Variants in NEMF observed in about 807,000 individuals in gnomAD.
NEMF encodes the protein ribosome quality control complex subunit NEMF.
Under a neutral mutation model 162.2 loss-of-function variants are expected in NEMF, and 89 were observed. The observed-to-expected ratio is 0.55, with a 90% CI of 0.46 to 0.65. NEMF has a LOEUF of 0.65. Among genes scored for constraint, NEMF ranks in the 30% least tolerant of loss-of-function variants. The pLI is 0.00. For synonymous variants in NEMF, 421 were observed against 404.5 expected (o/e 1.04, Z -0.49); for missense variants, 1,133 against 1,261.9 (o/e 0.90, Z 1.55).
At chr14:49,836,573 G>A (rs1892915292) in intron 6 of NEMF, among the ~76,000 whole-genome samples, 1 of 152,052 alleles carries the variant, frequency 6.6e-6, no homozygotes, top group Non-Finnish European at 1.5e-5. Flanking sequence ...CTGAACCTGG[G>A]AGGTGGAAGC....
At chr14:49,784,902 CCT>C in intron 32 of NEMF, 21 bp downstream of exon 32, 6 of 1,596,890 alleles carry the variant, frequency 3.8e-6, no homozygotes, top group Non-Finnish European at 4.3e-6. Flanking sequence ...TCTCCACATT[CCT>C]TTTCTGAAGG....
intron 3 of NEMF, among the ~76,000 whole-genome samples, chr14:49,847,706 C>CTTTTT (rs79188374): frequency 2.9e-5 from 4 of 138,020 alleles, no homozygotes; most frequent in Admixed American, 1.4e-4. Flanking sequence ...CCTACCAATT[C>CTTTTT]TTTTTTTTTT....
chr14:49,799,539 A>T lies in NEMF; in HGVS notation c.2416-15T>A, dbSNP rs2139853556. ...TTACTGTCACTCTATTAAAACAAAA[A>T]AACAGGCAAATGCAAATATCACTAT... On this transcript the variant is annotated splice_polypyrimidine_tract_variant and intron_variant, in intron 24 of 32. Coordinates refer to ENST00000298310, the MANE Select transcript of NEMF (RefSeq NM_004713.6). 1 of 1,607,308 alleles carries T rather than the reference A, an allele frequency of 6.2e-7. No homozygotes were observed. Among genetic ancestry groups the T allele is most frequent in the East Asian group, 2.2e-5 (1 of 44,812 alleles).
At chr14:49,845,067 C>A (rs1893427221) in intron 4 of NEMF, among the ~76,000 whole-genome samples, 1 of 119,820 alleles carries the variant, frequency 8.3e-6, no homozygotes, top group Admixed American at 9.3e-5. Flanking sequence ...CCACACCTGG[C>A]CCAGATTAAG....
rs572895833 is a variant in NEMF at position 49,848,745 on chromosome 14, G to A, written c.232-2480C>T. On this transcript the variant is annotated intron_variant, in intron 3 of 32. Transcript: ENST00000298310. Reference sequence around the variant, plus strand: ...AGCTACTTGGGAGGCTGAGACACGAGAATCACTTGAACCCAGGAGACTGAA... The same window carrying A: ...AGCTACTTGGGAGGCTGAGACACGAAAATCACTTGAACCCAGGAGACTGAA... 1.5e-4 allele frequency among the ~76,000 whole-genome samples: 21 copies of A among 141,588 alleles called. No individual in the cohort carries two copies. The South Asian group carries it at 3.6e-3, about 24-fold the overall frequency. The allele number at this position is 141,588 out of a possible 152,430, so 92.9% of individuals were successfully genotyped here.
chr14:49,827,097 C>A (rs190782787), intron 15 of NEMF, among the ~76,000 whole-genome samples: 1 of 152,100 alleles, frequency 6.6e-6, no homozygotes, highest in African/African-American at 2.4e-5. Context: ...GGAGATCTCC[C>A]GTCCTTCTTG....
chr14:49,819,713 C>T (rs1891900040), intron 16 of NEMF, among the ~76,000 whole-genome samples: 1 of 152,142 alleles, frequency 6.6e-6, no homozygotes, highest in African/African-American at 2.4e-5. Flanking sequence ...CCGCACCTAG[C>T]CTATCCCTGT....
intron 29 of NEMF, chr14:49,785,945 T>C (rs76370521): frequency 0.012 from 1,812 of 150,998 alleles, 32 homozygotes; most frequent in Admixed American, 0.04. Context: ...TGCAGAAACC[T>C]GCTGTGGATT....
At chr14:49,842,988 G>C (rs950148344) in intron 4 of NEMF, among the ~76,000 whole-genome samples, 2 of 151,888 alleles carry the variant, frequency 1.3e-5, no homozygotes, top group African/African-American at 2.4e-5. Context: ...CCTGGCGACA[G>C]GGTGAGACTT....
intron 4 of NEMF, among the ~76,000 whole-genome samples, chr14:49,844,152 G>T (rs991055856): frequency 1.5e-4 from 23 of 151,722 alleles, no homozygotes; most frequent in African/African-American, 5.6e-4. Flanking sequence ...CCAGCCTTTG[G>T]CACCAGGGAC....
intron 22 of NEMF, chr14:49,801,024 TTATTA>T (rs774139723): frequency 4.2e-5 from 11 of 259,434 alleles, no homozygotes; most frequent in Non-Finnish European, 5.1e-5. Flanking sequence ...TTTGCTGCTT[TTATTA>T]TAATTTGCAC....
intron 3 of NEMF, among the ~76,000 whole-genome samples, chr14:49,847,706 CTTTTTTTTTTTTTTTTTT>C (rs79188374): frequency 7.2e-6 from 1 of 138,018 alleles, no homozygotes; most frequent in Non-Finnish European, 1.6e-5. Context: ...CCTACCAATT[CTTTTTTTTTTTTTTTTTT>C]TTTTTTTTTT....
chr14:49,832,806 C>G (rs1892709744), intron 8 of NEMF, among the ~76,000 whole-genome samples: 1 of 152,150 alleles, frequency 6.6e-6, no homozygotes, highest in Admixed American at 6.5e-5. Flanking sequence ...TAAATCACAA[C>G]ATTTTTGAAA....
Position 49,783,167 on chromosome 14 carries a change from T to A in NEMF, c.*1469A>T. 2.7e-6 allele frequency: 1 copy of A among 370,058 alleles called. No individual in the cohort carries two copies. The highest frequency in any genetic ancestry group is 4.8e-6 in the Non-Finnish European group (1 of 209,758). 22.9% of individuals were successfully genotyped at this position (370,058 alleles called of 1,614,324 possible). A position where few individuals can be genotyped will look rare whatever the true frequency, so the allele number is the denominator to read the frequency against. On this transcript the variant is annotated 3_prime_UTR_variant, in exon 33 of 33. Coordinates refer to ENST00000298310, the MANE Select transcript of NEMF (RefSeq NM_004713.6). ...GCTGTCCTCTATTAAAGTAAAGTAA[T>A]GGTTGGGCTTTTTACCCTGAAGAAT...
intron 16 of NEMF, among the ~76,000 whole-genome samples, chr14:49,821,572 G>A (rs1297314824): frequency 6.4e-5 from 5 of 78,454 alleles, no homozygotes; most frequent in African/African-American, 9.2e-5. Flanking sequence ...CAGCCGCCCC[G>A]TCCGGGAGGG....
At chr14:49,835,614 A>G (rs983315462) in intron 6 of NEMF, among the ~76,000 whole-genome samples, 3 of 152,222 alleles carry the variant, frequency 2.0e-5, no homozygotes, top group African/African-American at 7.2e-5. Flanking sequence ...CAAGGAAAGA[A>G]TATTCAGTCT....
chr14:49,846,201 A>T lies in NEMF; in HGVS notation c.296T>A (p.Val99Glu). ...TTCATCACTTCCAAATTGAAAATCT[A>T]CAATTCTATCCACACCAAGCTGTTT... ...SAKQLGVDRI[V>E]DFQFGSDEAA... Residue 99 changes from valine to glutamate, a missense_variant, in exon 4 of 33, where the codon GTA becomes GAA. By Grantham distance (121) the Val-to-Glu change is moderately radical (BLOSUM62 -2). Transcript: ENST00000298310. The T allele has an allele frequency of 6.2e-7, 1 of 1,613,464 alleles. No individual in the cohort carries two copies. The highest frequency in any genetic ancestry group is 1.3e-5 in the African/African-American group (1 of 75,040).
intron 3 of NEMF, among the ~76,000 whole-genome samples, 163 bp downstream of exon 3, chr14:49,851,400 C>T (rs1421444231): frequency 6.6e-6 from 1 of 152,142 alleles, no homozygotes; most frequent in Non-Finnish European, 1.5e-5. Context: ...GGGGAGAAAT[C>T]AATTAATAAA....
chr14:49,810,133 C>A (rs929300560), intron 18 of NEMF, among the ~76,000 whole-genome samples: 3 of 151,918 alleles, frequency 2.0e-5, no homozygotes, highest in Admixed American at 1.3e-4. Context: ...CTTTGGGAGG[C>A]TGAGGCGGGC....
Sources: allele counts gnomAD v4.1 joint callset (sites outside exome capture counted in the v4.1 genomes callset), GRCh38; gene constraint gnomAD v4.1.1; transcripts MANE v1.5; gene names NCBI Gene and HGNC (gene_info 2026-07-23, HGNC 2026-07-21).